DRD3: variants seen among roughly 807,000 people sequenced by gnomAD.
DRD3 encodes dopamine receptor D3, also known as D(3) dopamine receptor.
In DRD3, 19 loss-of-function variants were observed where a neutral mutation model predicts 36.3. That is an observed-to-expected ratio of 0.52 (90% CI 0.36 to 0.77). The LOEUF (loss-of-function observed/expected upper bound fraction) is 0.77. Ranked by LOEUF, DRD3 falls within the 30% of genes least tolerant of loss-of-function variation. The pLI, the probability that DRD3 is intolerant of heterozygous loss-of-function variation, is 0.00. For missense variants in DRD3, 465 were observed against 505.3 expected (o/e 0.92, Z 0.77); for synonymous variants, 195 against 203.7 (o/e 0.96, Z 0.36).
chr3:114,153,670 C>G (rs2077638979), intron 3 of DRD3, among the ~76,000 whole-genome samples: 1 of 152,214 alleles, frequency 6.6e-6, no homozygotes, highest in Non-Finnish European at 1.5e-5. Flanking sequence ...CAGTGTGACT[C>G]TATAGCTAGG....
chr3:114,196,217 C>T (rs1342165759), intron 1 of DRD3, among the ~76,000 whole-genome samples: 3 of 152,148 alleles, frequency 2.0e-5, no homozygotes, highest in East Asian at 3.8e-4. Context: ...TTATCAATTT[C>T]CAGTTTTTGG....
In DRD3 at chr3:114,159,749, C is replaced by G; in HGVS notation, c.383+6G>C. 6.2e-7 allele frequency: 1 copy of G among 1,613,186 alleles called. No homozygotes were observed. On this transcript the variant is annotated splice_donor_region_variant and intron_variant, in intron 3 of 6. Coordinates refer to ENST00000383673, the MANE Select transcript of DRD3 (RefSeq NM_000796.6). ...GGGCCACCTGGAAGGGGAATTGCAG[C>G]CCTACCTGTCTATGCTGATGGCACA... is the stretch of plus-strand genomic sequence containing the variant.
intron 2 of DRD3, among the ~76,000 whole-genome samples, chr3:114,169,613 T>G (rs561740353): frequency 1.3e-5 from 2 of 152,230 alleles, no homozygotes; most frequent in South Asian, 4.2e-4. Flanking sequence ...TCATCAGAGC[T>G]GTTCTCATGG....
At chr3:114,194,615 A>G (rs2078027545) in intron 1 of DRD3, among the ~76,000 whole-genome samples, 1 of 152,122 alleles carries the variant, frequency 6.6e-6, no homozygotes, top group Admixed American at 6.6e-5. Context: ...TCTGTCCTCA[A>G]CATCTCAAAG....
intron 5 of DRD3, 76 bp from the exon 6 acceptor site, chr3:114,131,476 G>A: frequency 6.6e-7 from 1 of 1,522,230 alleles, no homozygotes; most frequent in Admixed American, 2.1e-5. Flanking sequence ...GAAAGGGCCA[G>A]AGAATTCAAA....
At chr3:114,159,249 G>C (rs1370630779) in intron 3 of DRD3, among the ~76,000 whole-genome samples, 1 of 152,042 alleles carries the variant, frequency 6.6e-6, no homozygotes, top group Non-Finnish European at 1.5e-5. Flanking sequence ...TCACAGCCAT[G>C]CTTTCTAAAA....
intron 6 of DRD3, 22 bp from the exon 7 acceptor site, chr3:114,128,934 A>C: frequency 6.5e-7 from 1 of 1,547,364 alleles, no homozygotes; most frequent in Non-Finnish European, 8.7e-7. Context: ...AATAAGAGAG[A>C]AACTGGGTAA....
chr3:114,165,673 A>G (rs2077776308), intron 2 of DRD3, among the ~76,000 whole-genome samples: 1 of 152,136 alleles, frequency 6.6e-6, no homozygotes, highest in Non-Finnish European at 1.5e-5. Flanking sequence ...TCTAAGAGGC[A>G]AAGATAGAAG....
intron 1 of DRD3, among the ~76,000 whole-genome samples, chr3:114,173,421 C>T (rs907922758): frequency 6.6e-6 from 1 of 152,216 alleles, no homozygotes; most frequent in Admixed American, 6.5e-5. Flanking sequence ...GTCTAGACCA[C>T]ACTCAGGGAA....
intron 2 of DRD3, among the ~76,000 whole-genome samples, chr3:114,169,839 A>G (rs1169345358): frequency 6.6e-6 from 1 of 152,224 alleles, no homozygotes; most frequent in Non-Finnish European, 1.5e-5. Context: ...GTTTTCCAGT[A>G]TGGTCCAACC....
At chr3:114,137,928 G>A (rs1285506707) in intron 5 of DRD3, among the ~76,000 whole-genome samples, 17 of 148,820 alleles carry the variant, frequency 1.1e-4, no homozygotes, top group Non-Finnish European at 1.9e-4. Context: ...AACCCGGGAG[G>A]CGGAGCTTGC....
At chr3:114,144,691 C>A (rs1021510740) in intron 4 of DRD3, among the ~76,000 whole-genome samples, 16 of 152,112 alleles carry the variant, frequency 1.1e-4, no homozygotes, top group African/African-American at 3.9e-4. Flanking sequence ...TAATAACAAC[C>A]ATAACACCAG....
chr3:114,186,788 G>T (rs947646322), intron 1 of DRD3, among the ~76,000 whole-genome samples: 2 of 152,188 alleles, frequency 1.3e-5, no homozygotes, highest in African/African-American at 4.8e-5. Flanking sequence ...ATTACATCAG[G>T]CAGACTCTGC....
intron 5 of DRD3, among the ~76,000 whole-genome samples, chr3:114,137,505 C>T (rs2077484597): frequency 6.6e-6 from 1 of 152,182 alleles, no homozygotes; most frequent in South Asian, 2.1e-4. Context: ...AAGAGTCTGA[C>T]CTTCATTCAT....
At chr3:114,174,225 T>C (rs144435014) in intron 1 of DRD3, among the ~76,000 whole-genome samples, 1 of 152,208 alleles carries the variant, frequency 6.6e-6, no homozygotes, top group Non-Finnish European at 1.5e-5. Flanking sequence ...TGCTTTCTGA[T>C]TGTTCAAGGA....
chr3:114,192,129 C>T (rs939750531), intron 1 of DRD3, among the ~76,000 whole-genome samples: 1 of 152,188 alleles, frequency 6.6e-6, no homozygotes, highest in African/African-American at 2.4e-5. Context: ...GCAGACTATC[C>T]TCTGTGATTG....
At chr3:114,190,206 C>A (rs545238270) in intron 1 of DRD3, among the ~76,000 whole-genome samples, 1 of 151,450 alleles carries the variant, frequency 6.6e-6, no homozygotes, top group African/African-American at 2.4e-5. Context: ...TAGCAAGAAG[C>A]CTTCACCAAC....
Position 114,139,548 on chromosome 3 carries a change from A to G in DRD3, c.675T>C (p.Thr225=), listed in dbSNP as rs2107838001. Residue 225 remains threonine (T), a synonymous_variant, in exon 5 of 7, where the codon ACT becomes ACC. Transcript: ENST00000383673. ...LKQRRRKRIL[T]RQNSQCNSVR... ...CACTGTTGCACTGACTGTTCTGTCG[A>G]GTGAGGATCCTTTTCCGTCTCCTTT... 1 of 1,614,080 alleles carries G rather than the reference A, an allele frequency of 6.2e-7. No individual in the cohort carries two copies. The highest frequency in any genetic ancestry group is 8.5e-7 in the Non-Finnish European group (1 of 1,180,016).
intron 4 of DRD3, among the ~76,000 whole-genome samples, chr3:114,145,556 A>C (rs2077562896): frequency 6.6e-6 from 1 of 152,220 alleles, no homozygotes; most frequent in Non-Finnish European, 1.5e-5. Context: ...AGCCTTGAGT[A>C]GGCGGTACGT....
Sources: allele counts gnomAD v4.1 joint callset (sites outside exome capture counted in the v4.1 genomes callset), GRCh38; gene constraint gnomAD v4.1.1; transcripts MANE v1.5; gene names NCBI Gene and HGNC (gene_info 2026-07-23, HGNC 2026-07-21).